The following NECTIN3 variants were observed in gnomAD, a reference collection of about 807,000 sequenced individuals.
The protein encoded by NECTIN3 is nectin-3.
A neutral mutation model predicts 49.4 loss-of-function variants in NECTIN3; 8 were observed. That is an observed-to-expected ratio of 0.16 (90% CI 0.10 to 0.29). The LOEUF (loss-of-function observed/expected upper bound fraction) is 0.29. Among genes scored for constraint, NECTIN3 ranks in the 10% least tolerant of loss-of-function variants. The pLI is 1.00. For synonymous variants in NECTIN3, 277 were observed against 241.1 expected (o/e 1.15, Z -1.38); for missense variants, 581 against 654.6 (o/e 0.89, Z 1.23).
chr3:111,095,050 G>A (rs766336695), intron 1 of NECTIN3, among the ~76,000 whole-genome samples: 43 of 152,236 alleles, frequency 2.8e-4, no homozygotes, highest in Admixed American at 5.2e-4. Context: ...GGCTCTAAGA[G>A]CCATTCTGTA....
At chr3:111,108,102 A>G (rs957721471) in intron 1 of NECTIN3, among the ~76,000 whole-genome samples, 2 of 152,178 alleles carry the variant, frequency 1.3e-5, no homozygotes, top group Non-Finnish European at 2.9e-5. Flanking sequence ...AAAAATTAGA[A>G]AGTAAAAATC....
chr3:111,162,044 C>G (rs952583463), intron 7 of NECTIN3, among the ~76,000 whole-genome samples: 5 of 152,108 alleles, frequency 3.3e-5, no homozygotes, highest in Admixed American at 3.3e-4. Flanking sequence ...TATGATCCTT[C>G]CATTCTGATC....
intron 5 of NECTIN3, among the ~76,000 whole-genome samples, chr3:111,143,133 AT>A (rs1449185437): frequency 6.6e-6 from 1 of 151,832 alleles, no homozygotes; most frequent in Non-Finnish European, 1.5e-5. Context: ...GATAATATAG[AT>A]TATCCGTAAG....
chr3:111,147,528 TAAA>T, intron 7 of NECTIN3: 1 of 1,377,636 alleles, frequency 7.3e-7, no homozygotes, highest in Non-Finnish European at 9.9e-7. Flanking sequence ...AGATACAATT[TAAA>T]AAATACTAAG....
chr3:111,123,199 A>G (rs1455544834), intron 4 of NECTIN3, among the ~76,000 whole-genome samples: 1 of 152,098 alleles, frequency 6.6e-6, no homozygotes, highest in East Asian at 1.9e-4. Flanking sequence ...TGTTATTTTC[A>G]TAGCACGCTT....
intron 7 of NECTIN3, among the ~76,000 whole-genome samples, chr3:111,178,696 T>A (rs2035575511): frequency 6.6e-6 from 1 of 152,234 alleles, no homozygotes; most frequent in African/African-American, 2.4e-5. Flanking sequence ...CTCACTTATA[T>A]GCCATCTGCC....
intron 1 of NECTIN3, 129 bp downstream of exon 1, chr3:111,072,306 T>G (rs1576055170): frequency 7.0e-7 from 1 of 1,437,106 alleles, no homozygotes; most frequent in East Asian, 2.6e-5. Context: ...TGCCGAGGAC[T>G]TTGGCTGGAA....
intron 1 of NECTIN3, among the ~76,000 whole-genome samples, chr3:111,078,701 T>C (rs888290796): frequency 6.6e-5 from 10 of 152,184 alleles, no homozygotes; most frequent in Non-Finnish European, 1.3e-4. Context: ...CTTAAAGATA[T>C]TACTTGAGAT....
At position 111,135,676 on chromosome 3, in the gene NECTIN3, A is replaced by AGT; in HGVS notation, c.*1462_*1463dup. 1 of 960,290 alleles carries AGT rather than the reference A, an allele frequency of 1.0e-6. No individual in the cohort carries two copies. The highest frequency in any genetic ancestry group is 1.2e-6 in the Non-Finnish European group (1 of 807,188). 59.5% of individuals were successfully genotyped at this position (960,290 alleles called of 1,614,324 possible). A position where few individuals can be genotyped will look rare whatever the true frequency, so the allele number is the denominator to read the frequency against. ...TATTTTGTTAATAAAAAGGCAAAGT[A>AGT]GTAGGTACTTTTTAAACCCTCCCAA... On this transcript the variant is annotated 3_prime_UTR_variant, in exon 6 of 6. Coordinates refer to ENST00000485303, the MANE Select transcript of NECTIN3 (RefSeq NM_015480.3).
At chr3:111,179,584 A>G (rs1272487483) in intron 7 of NECTIN3, among the ~76,000 whole-genome samples, 1 of 152,102 alleles carries the variant, frequency 6.6e-6, no homozygotes, top group East Asian at 1.9e-4. Flanking sequence ...ATAAATCTCA[A>G]GTCTTGGGGA....
At position 111,136,418 on chromosome 3, in the gene NECTIN3, T is replaced by C. The variant is rs1450650765; in HGVS notation, c.*2203T>C. 1 of 984,326 alleles carries C rather than the reference T, an allele frequency of 1.0e-6. No homozygotes were observed. Among genetic ancestry groups the C allele is most frequent in the African/African-American group, 1.7e-5 (1 of 57,160 alleles). The allele number at this position is 984,326 out of a possible 1,614,324, so 61.0% of individuals were successfully genotyped here. The stretch of plus-strand genomic sequence containing the variant: ...TGACCTGGAAAGCCACAAGTGAGTA[T>C]TTGACATATTCTGTATCCTTAATCC... On this transcript the variant is annotated 3_prime_UTR_variant, in exon 6 of 6. Coordinates refer to ENST00000485303, the MANE Select transcript of NECTIN3 (RefSeq NM_015480.3).
At chr3:111,119,582 G>C (rs971487701) in intron 3 of NECTIN3, among the ~76,000 whole-genome samples, 3 of 152,116 alleles carry the variant, frequency 2.0e-5, no homozygotes, top group Non-Finnish European at 4.4e-5. Flanking sequence ...CTCCCGCCTT[G>C]GTCTCCCAAA....
intron 2 of NECTIN3, among the ~76,000 whole-genome samples, chr3:111,115,956 A>T (rs1172765511): frequency 1.3e-5 from 2 of 152,134 alleles, no homozygotes; most frequent in African/African-American, 4.8e-5. Flanking sequence ...GGTGTTGGTG[A>T]TTGGGAGGAT....
At chr3:111,097,913 C>T (rs1240173395) in intron 1 of NECTIN3, among the ~76,000 whole-genome samples, 2 of 152,136 alleles carry the variant, frequency 1.3e-5, no homozygotes, top group African/African-American at 2.4e-5. Context: ...AATGAAGCTG[C>T]TCTGACAGAA....
rs2034530029 is a variant in NECTIN3, at chr3:111,135,053, T to G, written c.*838T>G. The G allele has an allele frequency of 2.0e-6, 2 of 981,836 alleles. No homozygotes were observed. Among genetic ancestry groups the G allele is most frequent in the South Asian group, 9.4e-5 (2 of 21,218 alleles). 60.8% of individuals were successfully genotyped at this position (981,836 alleles called of 1,614,324 possible). Reference sequence around the variant, plus strand: ...ATTTTAATGCTTTATGTCCTAAACATACTAATAGAAATGAAAAGACGCAGA... The same window carrying G: ...ATTTTAATGCTTTATGTCCTAAACAGACTAATAGAAATGAAAAGACGCAGA... On this transcript the variant is annotated 3_prime_UTR_variant, in exon 6 of 6. Transcript: ENST00000485303.
At chr3:111,110,324 T>C (rs1015977128) in intron 1 of NECTIN3, among the ~76,000 whole-genome samples, 29 of 152,008 alleles carry the variant, frequency 1.9e-4, no homozygotes, top group African/African-American at 6.5e-4. Context: ...AAGAATCTAC[T>C]TTATTAAGAA....
intron 2 of NECTIN3, among the ~76,000 whole-genome samples, chr3:111,118,285 A>G (rs1191409883): frequency 1.8e-5 from 1 of 55,466 alleles, no homozygotes; most frequent in African/African-American, 4.8e-5. Context: ...TATATATATT[A>G]TACATATATA....
intron 5 of NECTIN3, among the ~76,000 whole-genome samples, chr3:111,127,302 A>G (rs2034201857): frequency 6.6e-6 from 1 of 152,056 alleles, no homozygotes; most frequent in Non-Finnish European, 1.5e-5. Context: ...GAAAAGTACC[A>G]CGTATTATAT....
rs756100449 is a variant in NECTIN3, at chr3:111,126,322, C to T, written c.1056C>T (p.Val352=). 2 of 1,604,558 alleles carry T rather than the reference C, an allele frequency of 1.2e-6. No homozygotes were observed. The highest frequency in any genetic ancestry group is 1.1e-5 in the South Asian group (1 of 88,706). ...NSLGQRSDQK[V]IYISDPPTTT... The stretch of plus-strand genomic sequence containing the variant: ...TTGGTCAAAGAAGTGACCAAAAAGT[C>T]ATCTACATTTCAGGTAAGTTACTAT... Residue 352 remains valine (V), a synonymous_variant, in exon 5 of 6, where the codon GTC becomes GTT. Coordinates refer to ENST00000485303, the MANE Select transcript of NECTIN3 (RefSeq NM_015480.3).
Sources: gnomAD v4.1 joint callset for allele counts (sites outside exome capture counted in the v4.1 genomes callset) on GRCh38, gnomAD v4.1.1 for gene constraint, MANE v1.5 for transcripts, NCBI Gene and HGNC (gene_info 2026-07-23, HGNC 2026-07-21) for gene names.